The following KMT5C variants were observed in gnomAD, a reference collection of about 807,000 sequenced individuals.
KMT5C encodes lysine methyltransferase 5C.
A neutral mutation model predicts 38.2 loss-of-function variants in KMT5C; 16 were observed. The ratio of observed to expected loss-of-function variants is 0.42; its 90% CI spans 0.28 to 0.64. The LOEUF is 0.64. Ranked by LOEUF, KMT5C falls within the 30% of genes least tolerant of loss-of-function variation. KMT5C has a pLI of 0.23. For synonymous variants in KMT5C, 291 were observed against 279.0 expected (o/e 1.04, Z -0.43); for missense variants, 598 against 665.1 (o/e 0.90, Z 1.11).
chr19:55,342,246 C>T lies in KMT5C; in HGVS notation c.142C>T (p.Leu48=), dbSNP rs1159507659. Residue 48 remains leucine, a synonymous_variant, in exon 3 of 9, where the codon CTG becomes TTG. Coordinates refer to ENST00000255613, the MANE Select transcript of KMT5C (RefSeq NM_032701.4). ...GCCCCCCCTGCGGCGACAGCAGCAC[C>T]TGCGCTCAGCGCTGGAAACTTTCCT... ...PVPPLRRQQH[L]RSALETFLRQ... is the part of the protein sequence containing the mutation. 1.2e-6 allele frequency: 2 copies of T among 1,609,752 alleles called. No homozygotes were observed. The highest frequency in any genetic ancestry group is 1.7e-5 in the Admixed American group (1 of 59,600).
chr19:55,344,028 A>G (rs1450370821), intron 6 of KMT5C, 31 bp downstream of exon 6: 1 of 1,605,138 alleles, frequency 6.2e-7, no homozygotes, highest in African/African-American at 1.3e-5. Context: ...AGGAGAGGGC[A>G]CGCAGGAAGA....
intron 6 of KMT5C, chr19:55,344,833 G>A (rs772194559): frequency 3.8e-5 from 19 of 499,012 alleles, no homozygotes; most frequent in Admixed American, 1.5e-4. Context: ...CACAGACCTC[G>A]ATGGGGCACC....
At position 55,342,816 on chromosome 19, in the gene KMT5C, G is replaced by GA; in HGVS notation, c.352dup (p.Thr118AsnfsTer16). 1 of 1,612,620 alleles carries GA rather than the reference G, an allele frequency of 6.2e-7. No homozygotes were observed. Among genetic ancestry groups the GA allele is most frequent in the Non-Finnish European group, 8.5e-7 (1 of 1,178,634 alleles). Reference sequence around the variant, plus strand: ...TGCCCTGCACGCGCTACTCCATGGAGACCAACGGGGCCAAGATCGTGTCCA... The same window carrying GA: ...TGCCCTGCACGCGCTACTCCATGGAGAACCAACGGGGCCAAGATCGTGTCCA... On this transcript the variant is annotated frameshift_variant, in exon 4 of 9. Transcript: ENST00000255613. LOFTEE classifies it high-confidence loss of function.
At position 55,345,494 on chromosome 19, in the gene KMT5C, G is replaced by A. The variant is rs74977864; in HGVS notation, c.571-719G>A. On this transcript the variant is annotated intron_variant, in intron 6 of 8. Coordinates refer to ENST00000255613, the MANE Select transcript of KMT5C (RefSeq NM_032701.4). Reference sequence around the variant, plus strand: ...CCAGTAGGGGTCTCGGGGAGGCGAGGAGGATGAGGATGCGGGAGGTGGCAC... The same window carrying A: ...CCAGTAGGGGTCTCGGGGAGGCGAGAAGGATGAGGATGCGGGAGGTGGCAC... 4.3e-3 allele frequency among the ~76,000 whole-genome samples: 657 copies of A among 152,322 alleles called. 7 individuals are homozygous for A. Among genetic ancestry groups the A allele is most frequent in the African/African-American group, 0.015 (634 of 41,562 alleles).
rs774472020 is a variant in KMT5C, at chr19:55,342,858, G to C, written c.386+7G>C. 1 of 1,501,032 alleles carries C rather than the reference G, an allele frequency of 6.7e-7. No individual in the cohort carries two copies. The highest frequency in any genetic ancestry group is 2.3e-5 in the East Asian group (1 of 44,312). The allele number at this position is 1,501,032 out of a possible 1,614,324, so 93.0% of individuals were successfully genotyped here. On this transcript the variant is annotated splice_region_variant and intron_variant, in intron 4 of 8. Coordinates refer to ENST00000255613, the MANE Select transcript of KMT5C (RefSeq NM_032701.4). ...TCGTGTCCACTCGTGCTTGGTAAGA[G>C]GGCAGGACTCCCTGCAGGTATCCTT... is the stretch of plus-strand genomic sequence containing the variant.
Position 55,343,015 on chromosome 19 carries a change from G to T in KMT5C, c.386+164G>T. Reference sequence around the variant, plus strand: ...GGGCTAATCCCGGAAGACCTTTGTGGCTACCGTGGTGCCGCTGGAGCAGGA... The same window carrying T: ...GGGCTAATCCCGGAAGACCTTTGTGTCTACCGTGGTGCCGCTGGAGCAGGA... On this transcript the variant is annotated intron_variant, in intron 4 of 8. Coordinates refer to ENST00000255613, the MANE Select transcript of KMT5C (RefSeq NM_032701.4). The surrounding 1 kb of genome is among the most constrained non-coding windows in gnomAD (Gnocchi z 5.5). The T allele has an allele frequency of 3.3e-6, 2 of 610,136 alleles. No homozygotes were observed. The highest frequency in any genetic ancestry group is 5.2e-5 in the Admixed American group (2 of 38,566). 37.8% of individuals were successfully genotyped at this position (610,136 alleles called of 1,614,324 possible).
intron 6 of KMT5C, among the ~76,000 whole-genome samples, chr19:55,345,473 T>C (rs977210510): frequency 2.0e-5 from 3 of 151,560 alleles, no homozygotes; most frequent in African/African-American, 7.3e-5. Context: ...CTGACTCCAG[T>C]AGGGGTCTCG....
At position 55,341,839 on chromosome 19, in the gene KMT5C, C is replaced by T. The variant is rs1180322771; in HGVS notation, c.-98C>T. The T allele has an allele frequency of 2.3e-6, 2 of 860,122 alleles. No individual in the cohort carries two copies. Among genetic ancestry groups the T allele is most frequent in the South Asian group, 1.5e-5 (1 of 68,584 alleles). The allele number at this position is 860,122 out of a possible 1,614,324, so 53.3% of individuals were successfully genotyped here. A position where few individuals can be genotyped will look rare whatever the true frequency, so the allele number is the denominator to read the frequency against. ...AGCGTCCCCCATGGCTTCTGAGTAG[C>T]GTGGGAGTGGAGTCAGCACCAAGCC... On this transcript the variant is annotated 5_prime_UTR_variant, in exon 2 of 9. Transcript: ENST00000255613.
At chr19:55,346,128 G>A in intron 6 of KMT5C, 85 bp from the exon 7 acceptor site, 2 of 1,558,860 alleles carry the variant, frequency 1.3e-6, no homozygotes, top group Non-Finnish European at 1.7e-6. Flanking sequence ...GGACGCTCCG[G>A]GCCAGGGTGC....
intron 6 of KMT5C, chr19:55,344,887 C>G (rs757591398): frequency 1.1e-5 from 5 of 471,802 alleles, no homozygotes; most frequent in South Asian, 6.2e-5. Flanking sequence ...GCTCCAGAGT[C>G]AGAACTGAGT....
chr19:55,342,429 C>A (rs1336196057), intron 3 of KMT5C, 49 bp downstream of exon 3: 4 of 1,378,386 alleles, frequency 2.9e-6, no homozygotes, highest in Non-Finnish European at 3.8e-6. Context: ...CCTCCCCGCT[C>A]ACCGGGCCTG....
Position 55,342,320 on chromosome 19 carries a change from C to G in KMT5C, c.216C>G (p.Gly72=). Residue 72 remains glycine, a synonymous_variant, in exon 3 of 9, where the codon GGC becomes GGG. Transcript: ENST00000255613. ...CGTACCGGGCCCTGACGCTGGGAGG[C>G]TGGACGGCCCGCTACTTCCAGAGCC... The part of the protein sequence containing the change: ...EAAYRALTLG[G]WTARYFQSRG... The G allele has an allele frequency of 6.4e-7, 1 of 1,574,344 alleles. No homozygotes were observed. Among genetic ancestry groups the G allele is most frequent in the African/African-American group, 1.3e-5 (1 of 74,198 alleles).
At chr19:55,344,763 G>A (rs1299963903) in intron 6 of KMT5C, 1 of 528,382 alleles carries the variant, frequency 1.9e-6, no homozygotes, top group South Asian at 1.4e-5. Flanking sequence ...CTGTAGCCCG[G>A]AAGCAGAAGG....
chr19:55,340,385 G>T (rs546905614), intron 1 of KMT5C, among the ~76,000 whole-genome samples: 2 of 149,876 alleles, frequency 1.3e-5, no homozygotes, highest in African/African-American at 4.9e-5. Flanking sequence ...GCCAATCCCC[G>T]ACCTCCTCTC....
chr19:55,346,890 G>A (rs1284040629), intron 8 of KMT5C, 66 bp from the exon 9 acceptor site: 20 of 759,824 alleles, frequency 2.6e-5, no homozygotes, highest in South Asian at 1.7e-4. Flanking sequence ...GAGGAGGACC[G>A]GCCCAGCTTG....
At position 55,348,056 on chromosome 19, in the gene KMT5C, G is replaced by A. The variant is rs1288723489; in HGVS notation, c.*607G>A. 6.5e-6 allele frequency: 1 copy of A among 152,818 alleles called. No individual in the cohort carries two copies. The highest frequency in any genetic ancestry group is 1.5e-5 in the Non-Finnish European group (1 of 68,136). The allele number at this position is 152,818 out of a possible 1,614,324, so 9.5% of individuals were successfully genotyped here. On this transcript the variant is annotated 3_prime_UTR_variant, in exon 9 of 9. Coordinates refer to ENST00000255613, the MANE Select transcript of KMT5C (RefSeq NM_032701.4). ...TCCCTCCCCTCCCCCACACCAGAAA[G>A]GGGTATGTTGGGGGCTTGGAAGCAC...
rs2089637760 is a variant in KMT5C, at chr19:55,347,662, G to A, written c.*213G>A. 1 of 735,718 alleles carries A rather than the reference G, an allele frequency of 1.4e-6. No individual in the cohort carries two copies. Among genetic ancestry groups the A allele is most frequent in the South Asian group, 2.8e-5 (1 of 35,844 alleles). 45.6% of individuals were successfully genotyped at this position (735,718 alleles called of 1,614,324 possible). A position where few individuals can be genotyped will look rare whatever the true frequency, so the allele number is the denominator to read the frequency against. ...CCCCTGAGCCACCCCCACTCCCACA[G>A]GGAGCCCCGGCCATTTGCTGCCCTC... On this transcript the variant is annotated 3_prime_UTR_variant, in exon 9 of 9. Transcript: ENST00000255613. This position sits in a 1 kb window ranked among gnomAD's most constrained non-coding sequence, Gnocchi z 4.6.
intron 3 of KMT5C, 28 bp from the exon 4 acceptor site, chr19:55,342,714 T>G (rs2089573290): frequency 6.2e-6 from 7 of 1,124,572 alleles, no homozygotes; most frequent in Admixed American, 1.7e-5. Context: ...CTGCCCCGCC[T>G]CCTCACCCCC....
At chr19:55,346,798 A>G in intron 8 of KMT5C, 111 bp downstream of exon 8, 1 of 645,802 alleles carries the variant, frequency 1.5e-6, no homozygotes, top group Non-Finnish European at 2.1e-6. Flanking sequence ...TCCCACCCTC[A>G]GTCGCTGGCA....
Sources: gnomAD v4.1 joint callset for allele counts (sites outside exome capture counted in the v4.1 genomes callset) on GRCh38, gnomAD v4.1.1 for gene constraint, Gnocchi (gnomAD v3.1) non-coding constraint, MANE v1.5 for transcripts, NCBI Gene and HGNC (gene_info 2026-07-23, HGNC 2026-07-21) for gene names.